OPCML: variants seen among roughly 807,000 people sequenced by gnomAD.
The protein encoded by OPCML is opioid-binding protein/cell adhesion molecule.
OPCML carries 13 observed loss-of-function variants against 37.8 expected under a neutral mutation model. The ratio of observed to expected loss-of-function variants is 0.34; its 90% CI spans 0.22 to 0.55. The LOEUF (loss-of-function observed/expected upper bound fraction) is 0.55. Ranked by LOEUF, OPCML falls within the 20% of genes least tolerant of loss-of-function variation. The probability of loss-of-function intolerance (pLI) is 0.91; values close to 1 mark genes in which losing one functional copy is unlikely to be tolerated. For synonymous variants in OPCML, 176 were observed against 168.8 expected (o/e 1.04, Z -0.33); for missense variants, 341 against 435.6 (o/e 0.78, Z 1.93).
chr11:132,761,912 CT>C (rs1185158148), intron 2 of OPCML, among the ~76,000 whole-genome samples: 6 of 152,062 alleles, frequency 3.9e-5, no homozygotes, highest in African/African-American at 1.2e-4. Context: ...AATATTCAGC[CT>C]TTTTGCACTG....
intron 1 of OPCML, among the ~76,000 whole-genome samples, chr11:133,347,394 A>G (rs1024909588): frequency 2.0e-5 from 3 of 152,188 alleles, no homozygotes; most frequent in Non-Finnish European, 4.4e-5. Flanking sequence ...TGCCTTAGCC[A>G]TCCCATAGAA....
At chr11:132,547,317 A>G (rs1237616573) in intron 3 of OPCML, among the ~76,000 whole-genome samples, 1 of 152,222 alleles carries the variant, frequency 6.6e-6, no homozygotes, top group Non-Finnish European at 1.5e-5. Flanking sequence ...TTGTTTCTCA[A>G]CTATTCATTT....
intron 1 of OPCML, among the ~76,000 whole-genome samples, chr11:133,472,549 G>A (rs1947141395): frequency 6.6e-6 from 1 of 151,632 alleles, no homozygotes; most frequent in Non-Finnish European, 1.5e-5. Context: ...CTGCTTGGCT[G>A]AGAGCTGTTT....
At chr11:133,224,537 G>T (rs1418563585) in intron 1 of OPCML, among the ~76,000 whole-genome samples, 1 of 152,174 alleles carries the variant, frequency 6.6e-6, no homozygotes, top group Admixed American at 6.6e-5. Flanking sequence ...GCAAAAAGCT[G>T]CCAGAGTCCC....
At chr11:133,355,738 GA>G (rs749614790) in intron 1 of OPCML, among the ~76,000 whole-genome samples, 14 of 152,170 alleles carry the variant, frequency 9.2e-5, no homozygotes, top group Non-Finnish European at 1.6e-4. Flanking sequence ...CTAAAACCAA[GA>G]TGGTAGCTGA....
At chr11:133,373,117 G>A (rs960746422) in intron 1 of OPCML, among the ~76,000 whole-genome samples, 11 of 151,910 alleles carry the variant, frequency 7.2e-5, no homozygotes, top group African/African-American at 1.5e-4. Flanking sequence ...CATTCCACAA[G>A]CTCTTACGTT....
intron 4 of OPCML, among the ~76,000 whole-genome samples, chr11:132,450,771 A>T (rs1234489290): frequency 6.6e-6 from 1 of 152,200 alleles, no homozygotes; most frequent in African/African-American, 2.4e-5. Flanking sequence ...TGAGGAAGTA[A>T]CACCACACTA....
At chr11:132,431,683 G>A (rs1215770899) in intron 7 of OPCML, among the ~76,000 whole-genome samples, 2 of 152,160 alleles carry the variant, frequency 1.3e-5, no homozygotes, top group Non-Finnish European at 2.9e-5. Flanking sequence ...TTTGCCCTCT[G>A]CATTCTTTCA....
intron 3 of OPCML, among the ~76,000 whole-genome samples, chr11:132,587,141 C>A (rs2096474618): frequency 6.6e-6 from 1 of 152,146 alleles, no homozygotes; most frequent in Non-Finnish European, 1.5e-5. Context: ...GATACTGGAG[C>A]TAACTAGCAT....
chr11:132,432,916 G>T (rs954311637), intron 7 of OPCML, among the ~76,000 whole-genome samples: 5 of 152,198 alleles, frequency 3.3e-5, no homozygotes, highest in Non-Finnish European at 5.9e-5. Context: ...GGTCCTAAAT[G>T]CATGTTTGCT....
chr11:133,083,121 TCACACACACCACGCACACACACGCA>T (rs1245811195), intron 1 of OPCML, among the ~76,000 whole-genome samples: 3 of 151,784 alleles, frequency 2.0e-5, no homozygotes, highest in Admixed American at 1.3e-4. Context: ...CACACTCACA[TCACACACACCACGCACACACACGCA>T]CACACACACA....
At chr11:132,831,953 G>C (rs1690716202) in intron 2 of OPCML, among the ~76,000 whole-genome samples, 1 of 151,780 alleles carries the variant, frequency 6.6e-6, no homozygotes, top group Non-Finnish European at 1.5e-5. Context: ...TGTCTCTGGG[G>C]CTCCAGCAAC....
At chr11:132,651,512 G>C (rs976392051) in intron 3 of OPCML, among the ~76,000 whole-genome samples, 2 of 152,208 alleles carry the variant, frequency 1.3e-5, no homozygotes, top group Non-Finnish European at 2.9e-5. Context: ...AGCTGCATCA[G>C]CGTTGGGTAA....
intron 2 of OPCML, among the ~76,000 whole-genome samples, chr11:132,855,660 G>A (rs890427602): frequency 6.6e-6 from 1 of 152,208 alleles, no homozygotes; most frequent in Non-Finnish European, 1.5e-5. Context: ...TGGTCAGGCA[G>A]CCTTCAGATG....
intron 1 of OPCML, among the ~76,000 whole-genome samples, chr11:133,213,035 G>T (rs1048639388): frequency 6.6e-6 from 1 of 152,138 alleles, no homozygotes; most frequent in African/African-American, 2.4e-5. Flanking sequence ...GTAGAAAGTT[G>T]TTCTGCAGCC....
intron 1 of OPCML, among the ~76,000 whole-genome samples, chr11:133,070,026 C>T (rs2137007020): frequency 6.6e-6 from 1 of 152,192 alleles, no homozygotes; most frequent in African/African-American, 2.4e-5. Context: ...GTCCTTAGTA[C>T]ATATTAACAA....
At chr11:133,426,173 T>C (rs1046919513) in intron 1 of OPCML, among the ~76,000 whole-genome samples, 1 of 152,206 alleles carries the variant, frequency 6.6e-6, no homozygotes. Context: ...ACAACTTCTC[T>C]TGGACAGCTG....
chr11:133,006,306 C>CT (rs1356117361), intron 1 of OPCML: 8 of 548,118 alleles, frequency 1.5e-5, no homozygotes, highest in Non-Finnish European at 1.9e-5. Context: ...CCCTGTTTCC[C>CT]TTTTTCTTCC....
At chr11:132,423,376 G>C (rs1032993579) in intron 7 of OPCML, among the ~76,000 whole-genome samples, 1 of 152,208 alleles carries the variant, frequency 6.6e-6, no homozygotes, top group African/African-American at 2.4e-5. Flanking sequence ...AATCCACTAC[G>C]ATACACAGTG....
Sources: gnomAD v4.1 joint callset for allele counts (sites outside exome capture counted in the v4.1 genomes callset) on GRCh38, gnomAD v4.1.1 for gene constraint, MANE v1.5 for transcripts, NCBI Gene and HGNC (gene_info 2026-07-23, HGNC 2026-07-21) for gene names.